The following MARK1 variants were observed in gnomAD, a reference collection of about 807,000 sequenced individuals.
The protein encoded by MARK1 is serine/threonine-protein kinase MARK1.
MARK1 carries 40 observed loss-of-function variants against 96.3 expected under a neutral mutation model. The ratio of observed to expected loss-of-function variants is 0.42; its 90% CI spans 0.32 to 0.54. MARK1 has a LOEUF of 0.54. Ranked by LOEUF, MARK1 falls within the 20% of genes least tolerant of loss-of-function variation. The probability of loss-of-function intolerance (pLI) is 0.16; values close to 1 mark genes in which losing one functional copy is unlikely to be tolerated. For missense variants in MARK1, 719 were observed against 984.6 expected, an observed-to-expected ratio of 0.73 and a Z score of 3.61; for synonymous variants, 317 against 341.2, an observed-to-expected ratio of 0.93 and a Z score of 0.78.
In MARK1 at chr1:220,540,072, A is replaced by G. The variant is rs184857650; in HGVS notation, c.51+11199A>G. ...CCTTACTAGTTATAGCTTTGTTTAG[A>G]TGTTCTATTTTTTCATAACTTAGTT... On this transcript the variant is annotated intron_variant, in intron 1 of 17. Transcript: ENST00000366917. 4.5e-4 allele frequency among the ~76,000 whole-genome samples: 69 copies of G among 152,156 alleles called. No individual in the cohort carries two copies. The East Asian group carries it at 0.012, about 26-fold the overall frequency.
chr1:220,579,592 G>A (rs374562343), intron 2 of MARK1, 35 bp downstream of exon 2: 1 of 1,563,094 alleles, frequency 6.4e-7, no homozygotes, highest in Non-Finnish European at 8.8e-7. Flanking sequence ...TATCTGCCTG[G>A]ACCTCTCTGG....
At chr1:220,529,258 C>T (rs545565261) in intron 1 of MARK1, among the ~76,000 whole-genome samples, 2 of 152,218 alleles carry the variant, frequency 1.3e-5, no homozygotes, top group South Asian at 2.1e-4. Context: ...GCAGACGAGC[C>T]GGCTACCTCT....
chr1:220,611,973 T>G (rs1344772621), intron 6 of MARK1, among the ~76,000 whole-genome samples: 1 of 152,174 alleles, frequency 6.6e-6, no homozygotes, highest in Non-Finnish European at 1.5e-5. Flanking sequence ...CCTCAGGTGA[T>G]CTGCCCACAT....
chr1:220,537,162 T>A (rs1660758529), intron 1 of MARK1, among the ~76,000 whole-genome samples: 4 of 150,896 alleles, frequency 2.7e-5, no homozygotes, highest in Admixed American at 2.6e-4. Flanking sequence ...TATGTATACA[T>A]GTGCCATGCT....
At chr1:220,565,590 C>A (rs1208999427) in intron 1 of MARK1, among the ~76,000 whole-genome samples, 1 of 151,928 alleles carries the variant, frequency 6.6e-6, no homozygotes, top group African/African-American at 2.4e-5. Context: ...GAGGTTGGAG[C>A]AACAAAATAT....
chr1:220,601,298 CTT>C (rs5781182), intron 5 of MARK1, among the ~76,000 whole-genome samples: 15 of 134,666 alleles, frequency 1.1e-4, no homozygotes, highest in Admixed American at 7.4e-5. Context: ...ATATTTTAGT[CTT>C]TTTTTTTTTT....
At chr1:220,587,183 C>G (rs1020332387) in intron 3 of MARK1, among the ~76,000 whole-genome samples, 2 of 151,966 alleles carry the variant, frequency 1.3e-5, no homozygotes, top group Non-Finnish European at 2.9e-5. Context: ...TTAAAATTTC[C>G]TATCTTTCTG....
intron 13 of MARK1, among the ~76,000 whole-genome samples, chr1:220,646,853 G>A (rs1339557728): frequency 1.3e-5 from 2 of 152,194 alleles, no homozygotes; most frequent in South Asian, 2.1e-4. Flanking sequence ...CTAGCCATAT[G>A]CAGAAAATTG....
chr1:220,604,235 AAAG>A (rs1288189084), intron 6 of MARK1, 98 bp downstream of exon 6: 2 of 604,402 alleles, frequency 3.3e-6, no homozygotes, highest in African/African-American at 1.9e-5. Context: ...GGTATTTTAA[AAAG>A]AAGAATTCCT....
intron 1 of MARK1, among the ~76,000 whole-genome samples, chr1:220,571,162 G>C (rs959932429): frequency 1.3e-5 from 2 of 152,274 alleles, no homozygotes; most frequent in Admixed American, 1.3e-4. Context: ...TTATTGGCCA[G>C]TTTGCAGAAG....
intron 1 of MARK1, among the ~76,000 whole-genome samples, chr1:220,558,986 A>G (rs1662484296): frequency 6.6e-6 from 1 of 152,196 alleles, no homozygotes; most frequent in Non-Finnish European, 1.5e-5. Flanking sequence ...TTAGAGAACT[A>G]AATAGGTTCA....
At chr1:220,534,958 C>G (rs145152808) in intron 1 of MARK1, among the ~76,000 whole-genome samples, 38 of 152,194 alleles carry the variant, frequency 2.5e-4, no homozygotes, top group Non-Finnish European at 4.3e-4. Context: ...TACTTCTTGG[C>G]TCTTATAAAT....
chr1:220,544,264 A>C (rs886945715), intron 1 of MARK1, among the ~76,000 whole-genome samples: 1 of 152,190 alleles, frequency 6.6e-6, no homozygotes, highest in African/African-American at 2.4e-5. Flanking sequence ...GTGCCTCCCA[A>C]AAGTTTGTGT....
At chr1:220,626,819 CAAA>C (rs34627760) in intron 9 of MARK1, 1,341 of 258,582 alleles carry the variant, frequency 5.2e-3, no homozygotes, top group South Asian at 8.6e-3. Flanking sequence ...GACTCCATCT[CAAA>C]AAAAAAAAAA....
chr1:220,592,219 C>CATATTATATT (rs66795891), intron 3 of MARK1, among the ~76,000 whole-genome samples: 8,279 of 136,452 alleles, frequency 0.061, 283 homozygotes, highest in East Asian at 0.13. Flanking sequence ...ATGATTATAT[C>CATATTATATT]ATATTATATT....
chr1:220,549,940 C>T (rs931664483), intron 1 of MARK1, among the ~76,000 whole-genome samples: 11 of 152,178 alleles, frequency 7.2e-5, no homozygotes, highest in African/African-American at 2.4e-4. Flanking sequence ...AGCAAGGAAT[C>T]AAACCAAAAT....
chr1:220,584,890 A>G (rs921180765), intron 3 of MARK1, among the ~76,000 whole-genome samples: 2 of 152,242 alleles, frequency 1.3e-5, no homozygotes, highest in Admixed American at 6.5e-5. Flanking sequence ...CATGCTATAT[A>G]GCATATTTCA....
chr1:220,569,823 T>C (rs546765795), intron 1 of MARK1, among the ~76,000 whole-genome samples: 4 of 152,122 alleles, frequency 2.6e-5, no homozygotes, highest in Admixed American at 6.6e-5. Flanking sequence ...GGTCACAGTT[T>C]GTGATGTGTT....
intron 1 of MARK1, among the ~76,000 whole-genome samples, chr1:220,574,562 C>T (rs915209198): frequency 2.6e-5 from 4 of 152,160 alleles, no homozygotes; most frequent in South Asian, 2.1e-4. Context: ...GCCCCCAGCT[C>T]GAAACTGTAA....
Sources: allele counts gnomAD v4.1 joint callset (sites outside exome capture counted in the v4.1 genomes callset), GRCh38; gene constraint gnomAD v4.1.1; transcripts MANE v1.5; gene names NCBI Gene and HGNC (gene_info 2026-07-23, HGNC 2026-07-21).